The following TMPRSS9 variants were observed in gnomAD, a reference collection of about 807,000 sequenced individuals.
The protein encoded by TMPRSS9 is transmembrane serine protease 9, also known as transmembrane protease serine 9.
In TMPRSS9, 113 loss-of-function variants were observed where a neutral mutation model predicts 111.4. The ratio of observed to expected loss-of-function variants is 1.01; its 90% CI spans 0.87 to 1.19. The LOEUF (loss-of-function observed/expected upper bound fraction) is 1.19, where lower values mean the gene tolerates loss of function less well. TMPRSS9 is among the 50% of genes most tolerant of loss of function. The pLI, the probability that TMPRSS9 is intolerant of heterozygous loss-of-function variation, is 0.00. For missense variants in TMPRSS9, 1,803 were observed against 1,513.1 expected (o/e 1.19, Z -3.18); for synonymous variants, 805 against 659.1 (o/e 1.22, Z -3.39).
chr19:2,421,934 C>T, exon 14 of TMPRSS9: 2 of 1,613,162 alleles, frequency 1.2e-6, no homozygotes, highest in Non-Finnish European at 8.5e-7. Flanking sequence ...GGGGTATTGG[C>T]TGCGCTCAGG....
intron 9 of TMPRSS9, among the ~76,000 whole-genome samples, chr19:2,413,269 A>G (rs1971136701): frequency 6.6e-6 from 1 of 152,156 alleles, no homozygotes; most frequent in Admixed American, 6.6e-5. Context: ...AAGGTAAAAA[A>G]TGGTGAGGCC....
At chr19:2,410,156 C>T in intron 8 of TMPRSS9, 102 bp from the exon 10 acceptor site, 1 of 1,528,586 alleles carries the variant, frequency 6.5e-7, no homozygotes, top group South Asian at 1.2e-5. Context: ...GCTGGGGAAA[C>T]TGAGGGAGGC....
intron 8 of TMPRSS9, among the ~76,000 whole-genome samples, chr19:2,409,024 AAT>A (rs1446100708): frequency 4.2e-5 from 6 of 144,218 alleles, no homozygotes; most frequent in Middle Eastern, 3.6e-3. Context: ...TAATAATAAT[AAT>A]AATAATGATG....
In TMPRSS9 at chr19:2,406,610, C is replaced by T. The variant is rs1271249030; in HGVS notation, c.842+1065C>T. The stretch of plus-strand genomic sequence containing the variant: ...TCAGCCTCCCAAAGTGCTGGGATTA[C>T]AGGCGTGAGCCACCGTGCCTGGCCC... On this transcript the variant is annotated intron_variant, in intron 7 of 17. Coordinates refer to ENST00000648592, the Ensembl canonical transcript of TMPRSS9. 2.6e-5 allele frequency among the ~76,000 whole-genome samples: 4 copies of T among 151,708 alleles called. No homozygotes were observed. In the East Asian group the frequency reaches 5.8e-4, roughly 22 times the overall value.
chr19:2,413,968 A>G (rs778691659), exon 10 of TMPRSS9: 13 of 1,610,282 alleles, frequency 8.1e-6, no homozygotes. Context: ...AAATCGATGC[A>G]GGCCCTCAGT....
At chr19:2,384,731 T>C (rs1028191803) in intron 1 of TMPRSS9, among the ~76,000 whole-genome samples, 3 of 147,624 alleles carry the variant, frequency 2.0e-5, no homozygotes, top group Admixed American at 6.9e-5. Context: ...AGGAGAATGG[T>C]GTGAACCTGG....
At chr19:2,363,246 G>A (rs1239239931) in intron 1 of TMPRSS9, among the ~76,000 whole-genome samples, 3 of 152,218 alleles carry the variant, frequency 2.0e-5, no homozygotes, top group Non-Finnish European at 4.4e-5. Flanking sequence ...TGTTTAGGGT[G>A]TAAAATACGG....
chr19:2,424,938 C>T, intron 15 of TMPRSS9, 64 bp from the exon 17 acceptor site: 2 of 1,387,216 alleles, frequency 1.4e-6, no homozygotes, highest in South Asian at 3.2e-5. Flanking sequence ...CTGGGGGACA[C>T]CACAGGGGCG....
intron 1 of TMPRSS9, among the ~76,000 whole-genome samples, chr19:2,363,405 T>A (rs987049366): frequency 6.7e-6 from 1 of 148,424 alleles, no homozygotes; most frequent in Non-Finnish European, 1.5e-5. Flanking sequence ...TGCGGAGACG[T>A]GGAGGCATGG....
At position 2,408,613 on chromosome 19, in the gene TMPRSS9, A is replaced by AC; in HGVS notation, c.1102dup (p.Leu368ProfsTer35). 6.2e-7 allele frequency: 1 copy of AC among 1,611,620 alleles called. No homozygotes were observed. Among genetic ancestry groups the AC allele is most frequent in the Non-Finnish European group, 8.5e-7 (1 of 1,178,640 alleles). ...AAGTGCCTGATCTCAGGCTGGGGCT[A>AC]CCTCAAGGAGGACTTCCGTAAGCAT... On this transcript the variant is annotated frameshift_variant, in exon 8 of 18. Coordinates refer to ENST00000648592, the Ensembl canonical transcript of TMPRSS9. LOFTEE classifies it high-confidence loss of function.
At chr19:2,400,830 C>G (rs926099448) in intron 4 of TMPRSS9, among the ~76,000 whole-genome samples, 13 of 150,790 alleles carry the variant, frequency 8.6e-5, no homozygotes, top group Non-Finnish European at 2.9e-5. Context: ...AAAAATTAGC[C>G]GGGCATGGTG....
At chr19:2,425,486 G>C (rs1373990000) in exon 17 of TMPRSS9, 2 of 1,582,490 alleles carry the variant, frequency 1.3e-6, no homozygotes, top group Admixed American at 1.7e-5. Flanking sequence ...GGCGTGGACA[G>C]CTGCTCGGTG....
chr19:2,370,208 A>G (rs1970277638), intron 1 of TMPRSS9, among the ~76,000 whole-genome samples: 1 of 151,432 alleles, frequency 6.6e-6, no homozygotes, highest in African/African-American at 2.4e-5. Context: ...TTCATTTCAA[A>G]AAAATATATA....
At chr19:2,389,374 C>CT (rs1165662530), upstream of TMPRSS9, among the ~76,000 whole-genome samples, 2,532 of 105,394 alleles carry the variant, frequency 0.024, 42 homozygotes, top group Middle Eastern at 0.04. Flanking sequence ...CGCATCTGGT[C>CT]TTTTTTTTTT....
chr19:2,384,659 C>CA (rs989357777), intron 1 of TMPRSS9, among the ~76,000 whole-genome samples: 7 of 151,516 alleles, frequency 4.6e-5, no homozygotes, highest in African/African-American at 1.5e-4. Context: ...ACTAAAAATA[C>CA]AAAAAATTAG....
chr19:2,364,103 G>T (rs1274005070), intron 1 of TMPRSS9, among the ~76,000 whole-genome samples: 2 of 152,062 alleles, frequency 1.3e-5, no homozygotes. Flanking sequence ...GATCGCTTGA[G>T]CCCGGGAGTT....
chr19:2,405,659 C>A (rs1970953306), intron 7 of TMPRSS9, 114 bp downstream of exon 8: 7 of 1,091,308 alleles, frequency 6.4e-6, no homozygotes, highest in Middle Eastern at 2.2e-4. Flanking sequence ...GTAATTTTTT[C>A]TTTTCCTTTC....
rs192587027 is a variant in TMPRSS9 at position 2,416,471 on chromosome 19, C to T, written c.1746-67C>T. 4.6e-4 allele frequency: 714 copies of T among 1,547,794 alleles called. 5 individuals carry two copies. The East Asian group carries it at 0.013, about 29-fold the overall frequency. On this transcript the variant is annotated intron_variant, in intron 11 of 17. Coordinates refer to ENST00000648592, the Ensembl canonical transcript of TMPRSS9. Reference sequence around the variant, plus strand: ...GGCTTCCTGGGGGTGTGCATCAGCCCTGTCCCTCCCCAAGAAGGCGGGCAT... The same window carrying T: ...GGCTTCCTGGGGGTGTGCATCAGCCTTGTCCCTCCCCAAGAAGGCGGGCAT...
At chr19:2,370,305 C>T (rs1970278258) in intron 1 of TMPRSS9, among the ~76,000 whole-genome samples, 1 of 151,586 alleles carries the variant, frequency 6.6e-6, no homozygotes, top group East Asian at 1.9e-4. Flanking sequence ...CCTGTAGTCC[C>T]AGATACTCAG....
Sources: allele counts gnomAD v4.1 joint callset (sites outside exome capture counted in the v4.1 genomes callset), GRCh38; gene constraint gnomAD v4.1.1; transcripts MANE v1.5; gene names NCBI Gene and HGNC (gene_info 2026-07-23, HGNC 2026-07-21).